Variants in PDE8B observed in about 807,000 individuals in gnomAD.
The protein encoded by PDE8B is phosphodiesterase 8B, also known as high affinity cAMP-specific and IBMX-insensitive 3',5'-cyclic phosphodiesterase 8B.
In PDE8B, 26 loss-of-function variants were observed where a neutral mutation model predicts 101.3. The ratio of observed to expected loss-of-function variants is 0.26; its 90% CI spans 0.19 to 0.36. The LOEUF (loss-of-function observed/expected upper bound fraction) is 0.36, where lower values mean the gene tolerates loss of function less well. Ranked by LOEUF, PDE8B falls within the 10% of genes least tolerant of loss-of-function variation. The pLI, the probability that PDE8B is intolerant of heterozygous loss-of-function variation, is 1.00. For synonymous variants in PDE8B, 424 were observed against 429.3 expected, an observed-to-expected ratio of 0.99 and a Z score of 0.15; for missense variants, 810 against 1,163.1, an observed-to-expected ratio of 0.70 and a Z score of 4.42.
intron 18 of PDE8B, among the ~76,000 whole-genome samples, chr5:77,418,688 T>C (rs1796044072): frequency 2.6e-5 from 4 of 152,246 alleles, no homozygotes; most frequent in Admixed American, 2.0e-4. Context: ...TAAATATTGA[T>C]TGTACTATTA....
chr5:77,396,124 C>G (rs1791007470), intron 10 of PDE8B, among the ~76,000 whole-genome samples: 1 of 152,252 alleles, frequency 6.6e-6, no homozygotes, highest in Non-Finnish European at 1.5e-5. Flanking sequence ...CACAATTCAA[C>G]AACAGGTTTT....
intron 1 of PDE8B, among the ~76,000 whole-genome samples, chr5:77,247,938 A>G (rs1030762357): frequency 3.9e-5 from 6 of 152,206 alleles, no homozygotes; most frequent in African/African-American, 1.4e-4. Context: ...GGATCCATGC[A>G]GGAAGGTCTG....
the PDE8B span, among the ~76,000 whole-genome samples, chr5:77,194,739 G>A: frequency 6.6e-6 from 1 of 152,152 alleles, no homozygotes; most frequent in African/African-American, 2.4e-5. Context: ...TTTTTTAAAG[G>A]TTCATTCATG....
At chr5:77,161,344 G>A in the PDE8B span, among the ~76,000 whole-genome samples, 3 of 152,008 alleles carry the variant, frequency 2.0e-5, no homozygotes, top group African/African-American at 4.8e-5. Context: ...CCATGCTGTC[G>A]TATTAGTAGT....
At chr5:77,137,680 C>T in the PDE8B span, among the ~76,000 whole-genome samples, 2 of 152,200 alleles carry the variant, frequency 1.3e-5, no homozygotes, top group Non-Finnish European at 2.9e-5. Context: ...CATAAAGTCA[C>T]ACCTTTGCTC....
At chr5:77,097,227 G>A in the PDE8B span, among the ~76,000 whole-genome samples, 1 of 152,112 alleles carries the variant, frequency 6.6e-6, no homozygotes, top group African/African-American at 2.4e-5. Flanking sequence ...GAAACCAGGG[G>A]AACAGAGTTG....
At chr5:77,278,562 C>G (rs548912455) in intron 1 of PDE8B, among the ~76,000 whole-genome samples, 1 of 152,110 alleles carries the variant, frequency 6.6e-6, no homozygotes, top group African/African-American at 2.4e-5. Flanking sequence ...CTCTGCCTCC[C>G]GGGTTCATGC....
intron 1 of PDE8B, among the ~76,000 whole-genome samples, chr5:77,302,791 A>G (rs1770271075): frequency 6.6e-6 from 1 of 152,174 alleles, no homozygotes; most frequent in Non-Finnish European, 1.5e-5. Flanking sequence ...ACCTTTCTGC[A>G]GCATAACCTC....
At chr5:77,363,270 A>C (rs1322823441) in intron 10 of PDE8B, among the ~76,000 whole-genome samples, 3 of 152,208 alleles carry the variant, frequency 2.0e-5, no homozygotes, top group African/African-American at 7.2e-5. Flanking sequence ...CCAGGATTCT[A>C]ACCCTAAAGT....
At chr5:77,276,296 G>A (rs1763839011) in intron 1 of PDE8B, among the ~76,000 whole-genome samples, 2 of 152,286 alleles carry the variant, frequency 1.3e-5, no homozygotes, top group East Asian at 1.9e-4. Context: ...TTCTCTGTAT[G>A]AGGAGGCAGA....
At chr5:77,243,150 A>C in intron 1 of PDE8B, among the ~76,000 whole-genome samples, 1 of 152,220 alleles carries the variant, frequency 6.6e-6, no homozygotes, top group East Asian at 1.9e-4. Flanking sequence ...TTTTATAAAT[A>C]TAATTCAGTA....
chr5:77,219,036 T>G (rs1051696419), intron 1 of PDE8B, among the ~76,000 whole-genome samples: 3 of 152,188 alleles, frequency 2.0e-5, no homozygotes, highest in African/African-American at 7.2e-5. Flanking sequence ...GATGACATAG[T>G]AGAATCTTGC....
At chr5:77,409,893 CCTT>C (rs777244224) in intron 14 of PDE8B, among the ~76,000 whole-genome samples, 1 of 152,246 alleles carries the variant, frequency 6.6e-6, no homozygotes, top group Non-Finnish European at 1.5e-5. Context: ...AACTTGAGGG[CCTT>C]CTTGTTTCTT....
chr5:77,230,501 C>G (rs931184144), intron 1 of PDE8B, among the ~76,000 whole-genome samples: 1 of 152,180 alleles, frequency 6.6e-6, no homozygotes, highest in African/African-American at 2.4e-5. Context: ...GAATCTCTCT[C>G]TCTTGCCTAG....
At chr5:77,390,604 G>A (rs900998065) in intron 10 of PDE8B, among the ~76,000 whole-genome samples, 7 of 152,192 alleles carry the variant, frequency 4.6e-5, no homozygotes. Context: ...TTGAATCCCC[G>A]TCCCTTTGCT....
At chr5:77,307,238 T>G (rs1771429000) in intron 1 of PDE8B, among the ~76,000 whole-genome samples, 1 of 152,118 alleles carries the variant, frequency 6.6e-6, no homozygotes, top group Non-Finnish European at 1.5e-5. Context: ...CTGTTCCCTA[T>G]GCCTAGAATC....
chr5:77,111,288 CA>C, the PDE8B span, among the ~76,000 whole-genome samples: 1 of 152,078 alleles, frequency 6.6e-6, no homozygotes, highest in Non-Finnish European at 1.5e-5. Flanking sequence ...GGGAGAGATC[CA>C]AACATAACTG....
chr5:77,144,218 C>A, the PDE8B span: 3 of 152,274 alleles, frequency 2.0e-5, no homozygotes, highest in Non-Finnish European at 2.9e-5. Context: ...CAGGATGTCT[C>A]CAGGGGCTGT....
intron 7 of PDE8B, among the ~76,000 whole-genome samples, chr5:77,348,071 T>A (rs988608321): frequency 6.6e-6 from 1 of 152,114 alleles, no homozygotes; most frequent in Non-Finnish European, 1.5e-5. Context: ...CAGAGCATCT[T>A]CCAAACCCCT....
Sources: gnomAD v4.1 joint callset for allele counts (sites outside exome capture counted in the v4.1 genomes callset) on GRCh38, gnomAD v4.1.1 for gene constraint, MANE v1.5 for transcripts, NCBI Gene and HGNC (gene_info 2026-07-23, HGNC 2026-07-21) for gene names.